RRP1B: variants seen among roughly 807,000 people sequenced by gnomAD.
RRP1B encodes the protein ribosomal RNA processing protein 1 homolog B.
RRP1B carries 56 observed loss-of-function variants against 80.2 expected under a neutral mutation model. The observed-to-expected ratio is 0.70, with a 90% confidence interval of 0.56 to 0.87. The LOEUF is 0.87. Among genes scored for constraint, RRP1B ranks in the 40% least tolerant of loss-of-function variants. The probability of loss-of-function intolerance (pLI) is 0.00; values close to 1 mark genes in which losing one functional copy is unlikely to be tolerated. For missense variants in RRP1B, 807 were observed against 939.8 expected, an observed-to-expected ratio of 0.86 and a Z score of 1.85; for synonymous variants, 351 against 357.6, an observed-to-expected ratio of 0.98 and a Z score of 0.21.
chr21:43,664,341 A>G (rs1390248337), intron 1 of RRP1B, among the ~76,000 whole-genome samples: 1 of 152,088 alleles, frequency 6.6e-6, no homozygotes, highest in African/African-American at 2.4e-5. Flanking sequence ...AAAAAAAAAA[A>G]AAAGAAAAAG....
chr21:43,684,075 A>ATTTTT (rs538807611), intron 9 of RRP1B, among the ~76,000 whole-genome samples: 14 of 135,862 alleles, frequency 1.0e-4, no homozygotes, highest in African/African-American at 3.7e-4. Context: ...CCCAAGAATA[A>ATTTTT]TTTTTTTTTT....
At chr21:43,684,219 C>T (rs1187742979) in intron 9 of RRP1B, among the ~76,000 whole-genome samples, 3 of 151,468 alleles carry the variant, frequency 2.0e-5, no homozygotes, top group African/African-American at 7.3e-5. Context: ...CTACAGGCGC[C>T]CGCCATCACG....
Position 43,691,310 on chromosome 21 carries a change from A to G in RRP1B, c.2020-129A>G, listed in dbSNP as rs2083085359. ...GCCGCAGTCCCTTTGGCCTCTCCCT[A>G]TATGTGCCACTCAGTAAGCAGCAGT... On this transcript the variant is annotated intron_variant, in intron 14 of 15. Coordinates refer to ENST00000340648, the MANE Select transcript of RRP1B (RefSeq NM_015056.3). This position sits in a 1 kb window ranked among gnomAD's most constrained non-coding sequence, Gnocchi z 4.2. 7.6e-6 allele frequency: 6 copies of G among 785,958 alleles called. No homozygotes were observed. Among genetic ancestry groups the G allele is most frequent in the South Asian group, 6.3e-5 (4 of 63,178 alleles). The allele number at this position is 785,958 out of a possible 1,614,324, so 48.7% of individuals were successfully genotyped here. A position where few individuals can be genotyped will look rare whatever the true frequency, so the allele number is the denominator to read the frequency against.
intron 1 of RRP1B, among the ~76,000 whole-genome samples, chr21:43,660,926 A>G (rs993443768): frequency 9.2e-5 from 14 of 152,234 alleles, no homozygotes; most frequent in Non-Finnish European, 1.5e-4. Flanking sequence ...GTGAGCCCAT[A>G]CAATATGAAC....
chr21:43,684,464 A>G (rs2083055831), intron 9 of RRP1B, 89 bp from the exon 10 acceptor site: 8 of 1,113,418 alleles, frequency 7.2e-6, no homozygotes, highest in Non-Finnish European at 1.1e-5. Context: ...ATGCTTCAGT[A>G]AGGGTTTCTC....
chr21:43,674,366 A>G (rs1047024070), intron 4 of RRP1B, among the ~76,000 whole-genome samples: 16 of 152,188 alleles, frequency 1.1e-4, no homozygotes, highest in South Asian at 4.1e-4. Flanking sequence ...CATGTTGGCC[A>G]GGGTGGTCTT....
intron 1 of RRP1B, among the ~76,000 whole-genome samples, chr21:43,668,526 C>G (rs542942632): frequency 1.3e-4 from 19 of 151,960 alleles, no homozygotes; most frequent in African/African-American, 4.6e-4. Context: ...CGCCACCATA[C>G]CCGGCTAATT....
chr21:43,672,057 G>A (rs1479844874), intron 2 of RRP1B, among the ~76,000 whole-genome samples: 1 of 152,218 alleles, frequency 6.6e-6, no homozygotes, highest in African/African-American at 2.4e-5. Context: ...CTGATAATTA[G>A]AGATGCTTTT....
Position 43,691,300 on chromosome 21 carries a change from G to A in RRP1B, c.2020-139G>A. 2 of 707,098 alleles carry A rather than the reference G, an allele frequency of 2.8e-6. No homozygotes were observed. The allele number at this position is 707,098 out of a possible 1,614,324, so 43.8% of individuals were successfully genotyped here. A position where few individuals can be genotyped will look rare whatever the true frequency, so the allele number is the denominator to read the frequency against. On this transcript the variant is annotated intron_variant, in intron 14 of 15. Coordinates refer to ENST00000340648, the MANE Select transcript of RRP1B (RefSeq NM_015056.3). This position sits in a 1 kb window ranked among gnomAD's most constrained non-coding sequence, Gnocchi z 4.2. ...TTCAGTCTTGGCCGCAGTCCCTTTGGCCTCTCCCTATATGTGCCACTCAGT... is the reference window on the plus strand; with the variant it reads ...TTCAGTCTTGGCCGCAGTCCCTTTGACCTCTCCCTATATGTGCCACTCAGT...
intron 8 of RRP1B, among the ~76,000 whole-genome samples, chr21:43,677,584 G>A (rs2083027694): frequency 6.6e-6 from 1 of 152,136 alleles, no homozygotes; most frequent in Admixed American, 6.5e-5. Flanking sequence ...AAGGACCAAA[G>A]GAAATGTGAC....
At chr21:43,685,194 T>C (rs1427854067) in intron 10 of RRP1B, among the ~76,000 whole-genome samples, 1 of 152,140 alleles carries the variant, frequency 6.6e-6, no homozygotes, top group Non-Finnish European at 1.5e-5. Context: ...TTTGTATACA[T>C]TCAAGTATTC....
chr21:43,688,845 G>A (rs1213112728), intron 13 of RRP1B, among the ~76,000 whole-genome samples: 7 of 152,112 alleles, frequency 4.6e-5, no homozygotes, highest in African/African-American at 1.7e-4. Context: ...GCTGGAGTGC[G>A]GTGGCACAAT....
chr21:43,677,817 G>A (rs1369935195), intron 8 of RRP1B, among the ~76,000 whole-genome samples: 1 of 152,174 alleles, frequency 6.6e-6, no homozygotes, highest in Non-Finnish European at 1.5e-5. Context: ...CTCTAGCCAG[G>A]TTGCTGTGGA....
intron 1 of RRP1B, among the ~76,000 whole-genome samples, chr21:43,664,645 T>G (rs1420464592): frequency 3.3e-5 from 5 of 152,356 alleles, no homozygotes; most frequent in African/African-American, 1.2e-4. Context: ...GTATCTTTTC[T>G]CATTGTATTA....
At chr21:43,674,936 G>T in intron 5 of RRP1B, 98 bp from the exon 6 acceptor site, 1 of 1,467,774 alleles carries the variant, frequency 6.8e-7, no homozygotes. Flanking sequence ...TTGATTGTTA[G>T]GCTGTGTAGG....
At chr21:43,684,366 C>T (rs1453178712) in intron 9 of RRP1B, among the ~76,000 whole-genome samples, 187 bp from the exon 10 acceptor site, 3 of 152,134 alleles carry the variant, frequency 2.0e-5, no homozygotes, top group Admixed American at 6.5e-5. Flanking sequence ...CCACCGCGCC[C>T]GGCCTGAACA....
At position 43,690,413 on chromosome 21, in the gene RRP1B, CACCCACCCTCCAG is replaced by C. The variant is rs1301779563; in HGVS notation, c.1993_2005del (p.Thr665AlafsTer6). ...TCAGAAGAGCCAAGAGCAGCACTGC[CACCCACCCTCCAG>C]GCCCTGCCGTCCAGGTACGCACCCT... On this transcript the variant is annotated frameshift_variant, in exon 14 of 16. Transcript: ENST00000340648. LOFTEE classifies it high-confidence loss of function. 1 of 1,614,138 alleles carries C rather than the reference CACCCACCCTCCAG, an allele frequency of 6.2e-7. No individual in the cohort carries two copies. Among genetic ancestry groups the C allele is most frequent in the Admixed American group, 1.7e-5 (1 of 60,034 alleles).
chr21:43,687,051 C>A, intron 12 of RRP1B, 116 bp downstream of exon 12: 1 of 1,200,580 alleles, frequency 8.3e-7, no homozygotes, highest in South Asian at 1.5e-5. Context: ...GAGCCCAAAG[C>A]TTCAGTCTTT....
In RRP1B at chr21:43,673,852, G is replaced by A; in HGVS notation, c.272-18G>A. 2 of 1,587,396 alleles carry A rather than the reference G, an allele frequency of 1.3e-6. No individual in the cohort carries two copies. The highest frequency in any genetic ancestry group is 1.7e-6 in the Non-Finnish European group (2 of 1,158,726). On this transcript the variant is annotated intron_variant, in intron 3 of 15. Transcript: ENST00000340648. The stretch of plus-strand genomic sequence containing the variant: ...TTGATGTGGAAGCCAAGTATTTAGA[G>A]CCTTTTGTTCACTGCAGAACACCTG...
Sources: gnomAD v4.1 joint callset for allele counts (sites outside exome capture counted in the v4.1 genomes callset) on GRCh38, gnomAD v4.1.1 for gene constraint, Gnocchi (gnomAD v3.1) non-coding constraint, MANE v1.5 for transcripts, NCBI Gene and HGNC (gene_info 2026-07-23, HGNC 2026-07-21) for gene names.